Variants in GNAL observed in about 807,000 individuals in gnomAD.
GNAL encodes the protein guanine nucleotide-binding protein G(olf) subunit alpha.
GNAL carries 18 observed loss-of-function variants against 55.1 expected under a neutral mutation model. That is an observed-to-expected ratio of 0.33 (90% CI 0.23 to 0.48). The LOEUF is 0.48. Ranked by LOEUF, GNAL falls within the 20% of genes least tolerant of loss-of-function variation. GNAL has a pLI of 0.99. For synonymous variants in GNAL, 253 were observed against 237.0 expected, an observed-to-expected ratio of 1.07 and a Z score of -0.62; for missense variants, 412 against 614.1, an observed-to-expected ratio of 0.67 and a Z score of 3.48.
chr18:11,767,953 A>T (rs1330651696), intron 4 of GNAL, among the ~76,000 whole-genome samples: 1 of 152,214 alleles, frequency 6.6e-6, no homozygotes, highest in African/African-American at 2.4e-5. Flanking sequence ...TCTTAGTAAG[A>T]CCCAAATAAC....
intron 1 of GNAL, among the ~76,000 whole-genome samples, chr18:11,733,802 CA>C (rs771953117): frequency 3.6e-4 from 54 of 149,462 alleles, no homozygotes; most frequent in Non-Finnish European, 7.4e-4. Flanking sequence ...GTACGCTCTT[CA>C]AGTGATGCCT....
At chr18:11,736,814 G>T (rs1048709023) in intron 1 of GNAL, among the ~76,000 whole-genome samples, 1 of 152,178 alleles carries the variant, frequency 6.6e-6, no homozygotes, top group Non-Finnish European at 1.5e-5. Context: ...GTATATGGAT[G>T]GTTGATTAGT....
chr18:11,831,267 A>G (rs1310384773), intron 5 of GNAL, among the ~76,000 whole-genome samples: 1 of 152,174 alleles, frequency 6.6e-6, no homozygotes, highest in African/African-American at 2.4e-5. Flanking sequence ...GGGAGGACTC[A>G]TGTGAAGACA....
chr18:11,796,590 A>AAAC (rs1568031467), intron 4 of GNAL, among the ~76,000 whole-genome samples: 4 of 132,640 alleles, frequency 3.0e-5, no homozygotes, highest in Non-Finnish European at 3.2e-5. Context: ...AAAAAAAAAA[A>AAAC]AAAAACAAAA....
At chr18:11,698,958 G>A (rs1421188279) in intron 1 of GNAL, among the ~76,000 whole-genome samples, 3 of 152,096 alleles carry the variant, frequency 2.0e-5, no homozygotes, top group East Asian at 3.9e-4. Flanking sequence ...GCTAATTTTC[G>A]GGTATCTAGC....
At chr18:11,753,588 A>G in intron 2 of GNAL, 40 bp from the exon 3 acceptor site, 1 of 1,225,512 alleles carries the variant, frequency 8.2e-7, no homozygotes, top group South Asian at 1.2e-5. Context: ...AATCAGTGCT[A>G]AGAGTAAATT....
intron 4 of GNAL, among the ~76,000 whole-genome samples, chr18:11,772,068 C>T (rs1271253266): frequency 1.3e-5 from 2 of 152,052 alleles, no homozygotes; most frequent in African/African-American, 4.8e-5. Context: ...CCACATCATA[C>T]AAATCATTTC....
chr18:11,815,377 G>C (rs746887928), intron 4 of GNAL, among the ~76,000 whole-genome samples: 1 of 152,158 alleles, frequency 6.6e-6, no homozygotes, highest in Non-Finnish European at 1.5e-5. Flanking sequence ...TCTGCAGGCT[G>C]TACAGGAAGC....
Position 11,752,611 on chromosome 18 carries a change from C to T in GNAL, c.377-242C>T. 6.4e-7 allele frequency: 1 copy of T among 1,564,506 alleles called. No individual in the cohort carries two copies. The highest frequency in any genetic ancestry group is 8.6e-7 in the Non-Finnish European group (1 of 1,162,116). ...CGAGGGGCGCGCGGCGGCTCCCGGCCCCAGCGGAGCGCACAGCCAGGAGCG... is the reference window on the plus strand; with the variant it reads ...CGAGGGGCGCGCGGCGGCTCCCGGCTCCAGCGGAGCGCACAGCCAGGAGCG... On this transcript the variant is annotated intron_variant, in intron 1 of 11. Coordinates refer to ENST00000334049, the MANE Select transcript of GNAL (RefSeq NM_182978.4). This position sits in a 1 kb window ranked among gnomAD's most constrained non-coding sequence, Gnocchi z 4.5.
intron 5 of GNAL, chr18:11,857,902 G>C (rs2036045737): frequency 5.0e-6 from 1 of 198,468 alleles, no homozygotes; most frequent in Admixed American, 6.5e-5. Context: ...TAAATATCAT[G>C]AGTCAAATTT....
chr18:11,746,259 G>C (rs2032685491), intron 1 of GNAL: 8 of 424,500 alleles, frequency 1.9e-5, no homozygotes, highest in South Asian at 1.1e-4. Context: ...CTCTTCTCAG[G>C]TTTAGAGACA....
chr18:11,728,246 A>G (rs1442948613), intron 1 of GNAL, among the ~76,000 whole-genome samples: 1 of 151,726 alleles, frequency 6.6e-6, no homozygotes, highest in African/African-American at 2.4e-5. Context: ...AGATGAATAC[A>G]TAGCTCAAAA....
At chr18:11,740,133 G>A (rs1439868804) in intron 1 of GNAL, among the ~76,000 whole-genome samples, 1 of 151,870 alleles carries the variant, frequency 6.6e-6, no homozygotes, top group Admixed American at 6.6e-5. Context: ...CACCTGACAG[G>A]CCTGTAATTT....
At chr18:11,862,281 T>C in intron 5 of GNAL, 114 bp from the exon 6 acceptor site, 1 of 712,022 alleles carries the variant, frequency 1.4e-6, no homozygotes, top group Non-Finnish European at 2.5e-6. Context: ...CACTTCAGCT[T>C]CTTGGCCTGC....
intron 5 of GNAL, among the ~76,000 whole-genome samples, chr18:11,829,854 A>G (rs2035338398): frequency 6.6e-6 from 1 of 152,170 alleles, no homozygotes; most frequent in Admixed American, 6.5e-5. Context: ...TACTAAAAAT[A>G]CAAAAATTTG....
At chr18:11,846,741 T>C (rs905148186) in intron 5 of GNAL, among the ~76,000 whole-genome samples, 2 of 151,856 alleles carry the variant, frequency 1.3e-5, no homozygotes, top group South Asian at 2.1e-4. Context: ...TGTTGTTGTT[T>C]TTGAGACAGG....
intron 5 of GNAL, among the ~76,000 whole-genome samples, chr18:11,847,037 T>C (rs2035756131): frequency 6.6e-6 from 1 of 151,308 alleles, no homozygotes; most frequent in African/African-American, 2.4e-5. Flanking sequence ...TAATGTATAA[T>C]ATATATATAC....
chr18:11,730,999 G>A (rs1198432971), intron 1 of GNAL, among the ~76,000 whole-genome samples: 1 of 152,144 alleles, frequency 6.6e-6, no homozygotes, highest in Non-Finnish European at 1.5e-5. Flanking sequence ...TTATAATCTG[G>A]TGTCTTATTG....
At chr18:11,832,284 A>T (rs551018986) in intron 5 of GNAL, among the ~76,000 whole-genome samples, 1 of 152,292 alleles carries the variant, frequency 6.6e-6, no homozygotes, top group Non-Finnish European at 1.5e-5. Flanking sequence ...TTTAGGGTAC[A>T]TCCATTTCAA....
Sources: gnomAD v4.1 joint callset for allele counts (sites outside exome capture counted in the v4.1 genomes callset) on GRCh38, gnomAD v4.1.1 for gene constraint, Gnocchi (gnomAD v3.1) non-coding constraint, MANE v1.5 for transcripts, NCBI Gene and HGNC (gene_info 2026-07-23, HGNC 2026-07-21) for gene names.